ZNF385D: variants seen among roughly 807,000 people sequenced by gnomAD.
ZNF385D encodes zinc finger protein 385D, also known as zinc finger protein 659.
In ZNF385D, 15 loss-of-function variants were observed where a neutral mutation model predicts 35.8. That is an observed-to-expected ratio of 0.42 (90% CI 0.28 to 0.64). ZNF385D has a LOEUF of 0.64. Ranked by LOEUF, ZNF385D falls within the 30% of genes least tolerant of loss-of-function variation. The pLI, the probability that ZNF385D is intolerant of heterozygous loss-of-function variation, is 0.23. For synonymous variants in ZNF385D, 212 were observed against 186.8 expected (o/e 1.13, Z -1.10); for missense variants, 474 against 494.6 (o/e 0.96, Z 0.39).
intron 3 of ZNF385D, among the ~76,000 whole-genome samples, chr3:22,092,442 A>C (rs1213338836): frequency 6.6e-6 from 1 of 152,152 alleles, no homozygotes; most frequent in Non-Finnish European, 1.5e-5. Flanking sequence ...AGTTGCCTTC[A>C]TGACAGAGTG....
chr3:22,213,938 A>G (rs1269482863), intron 2 of ZNF385D, among the ~76,000 whole-genome samples: 1 of 152,100 alleles, frequency 6.6e-6, no homozygotes, highest in Non-Finnish European at 1.5e-5. Context: ...AATTTAGTTT[A>G]TTGAGTCAGA....
In ZNF385D at chr3:22,124,154, A is replaced by G. The variant is rs1334145757; in HGVS notation, c.325+44663T>C. On this transcript the variant is annotated intron_variant, in intron 3 of 5. Transcript: ENST00000494108. ...TATCTCCCCGAGTTCAACTGTATTAATTTTTAGCTCCCACAAGTGAGAATA... is the reference window on the plus strand; with the variant it reads ...TATCTCCCCGAGTTCAACTGTATTAGTTTTTAGCTCCCACAAGTGAGAATA... Among the ~76,000 whole-genome samples the G allele has an allele frequency of 2.6e-5, 4 of 151,658 alleles. No individual in the cohort carries two copies. In the East Asian group the frequency reaches 7.7e-4, roughly 29 times the overall value.
At chr3:21,495,867 T>G (rs1705799702) in intron 4 of ZNF385D, among the ~76,000 whole-genome samples, 1 of 152,010 alleles carries the variant, frequency 6.6e-6, no homozygotes. Flanking sequence ...AAACGAGATA[T>G]GACTACTGAC....
chr3:21,652,744 G>C (rs1012076357), intron 2 of ZNF385D, among the ~76,000 whole-genome samples: 3 of 151,604 alleles, frequency 2.0e-5, no homozygotes, highest in African/African-American at 4.8e-5. Flanking sequence ...TAGTCCTTGC[G>C]ATAGTCTGCT....
At chr3:21,555,215 GTT>G (rs35875777) in intron 3 of ZNF385D, among the ~76,000 whole-genome samples, 177 of 141,192 alleles carry the variant, frequency 1.3e-3, no homozygotes, top group African/African-American at 3.8e-3. Flanking sequence ...GGCAATTGTA[GTT>G]TTTTTTTTTT....
At chr3:21,466,683 T>A (rs1011348119) in intron 4 of ZNF385D, among the ~76,000 whole-genome samples, 1 of 152,188 alleles carries the variant, frequency 6.6e-6, no homozygotes, top group Non-Finnish European at 1.5e-5. Flanking sequence ...ATGGCATTCA[T>A]AAGTCACACA....
rs116207642 is a variant in ZNF385D, at chr3:22,363,046, C to T, written c.106+9404G>A. Among the ~76,000 whole-genome samples the T allele has an allele frequency of 4.3e-3, 647 of 152,208 alleles. 10 individuals are homozygous for T. Among genetic ancestry groups the T allele is most frequent in the African/African-American group, 0.015 (617 of 41,546 alleles). ...ATCCAGGGAAGTCCAACTTAGTTCG[C>T]TGTGCCCTACTTATTACTTCTTAAT... On this transcript the variant is annotated intron_variant, in intron 2 of 5. Coordinates refer to the ZNF385D transcript ENST00000494108.
At chr3:22,221,555 T>A (rs1009042175) in intron 2 of ZNF385D, among the ~76,000 whole-genome samples, 1 of 152,216 alleles carries the variant, frequency 6.6e-6, no homozygotes, top group African/African-American at 2.4e-5. Context: ...AAAGATGCCT[T>A]AATTTCATTT....
At chr3:21,771,122 G>C (rs1365854620) in intron 3 of ZNF385D, among the ~76,000 whole-genome samples, 3 of 151,604 alleles carry the variant, frequency 2.0e-5, no homozygotes, top group Non-Finnish European at 4.4e-5. Context: ...GATAGCATTA[G>C]GAGATATACC....
intron 2 of ZNF385D, among the ~76,000 whole-genome samples, chr3:22,295,684 C>A (rs182171678): frequency 6.6e-6 from 1 of 152,110 alleles, no homozygotes; most frequent in East Asian, 1.9e-4. Flanking sequence ...AGAAAATCCG[C>A]CCCCTTTTGA....
intron 2 of ZNF385D, among the ~76,000 whole-genome samples, chr3:22,172,402 T>A (rs868522236): frequency 2.6e-5 from 4 of 152,108 alleles, no homozygotes; most frequent in African/African-American, 7.3e-5. Context: ...AAAAAATGTA[T>A]GTGAGTTAAT....
chr3:22,161,665 T>C (rs570361521), intron 3 of ZNF385D, among the ~76,000 whole-genome samples: 1 of 152,164 alleles, frequency 6.6e-6, no homozygotes, highest in African/African-American at 2.4e-5. Flanking sequence ...TCTGGCATGA[T>C]AGAGAATATA....
At chr3:22,234,645 G>A (rs868826801) in intron 2 of ZNF385D, among the ~76,000 whole-genome samples, 1 of 151,858 alleles carries the variant, frequency 6.6e-6, no homozygotes, top group African/African-American at 2.4e-5. Flanking sequence ...TTACTTAAGG[G>A]ATATATTCCC....
At chr3:21,603,927 G>A (rs776720294) in intron 2 of ZNF385D, among the ~76,000 whole-genome samples, 1 of 152,150 alleles carries the variant, frequency 6.6e-6, no homozygotes, top group African/African-American at 2.4e-5. Context: ...AATAGGAGTA[G>A]AAGTAGCTTA....
At chr3:22,210,947 G>A (rs1256907180) in intron 2 of ZNF385D, among the ~76,000 whole-genome samples, 1 of 151,880 alleles carries the variant, frequency 6.6e-6, no homozygotes, top group Non-Finnish European at 1.5e-5. Flanking sequence ...TCACATGAGT[G>A]GTACTAAAAA....
At chr3:21,545,147 A>G (rs574194990) in intron 3 of ZNF385D, among the ~76,000 whole-genome samples, 35 of 152,348 alleles carry the variant, frequency 2.3e-4, no homozygotes, top group African/African-American at 7.9e-4. Flanking sequence ...TTGTGTTTCT[A>G]ACTGTAACTA....
chr3:21,810,415 C>T (rs1372715482), intron 3 of ZNF385D, among the ~76,000 whole-genome samples: 3 of 151,846 alleles, frequency 2.0e-5, no homozygotes, highest in African/African-American at 7.3e-5. Context: ...GGAGATAAAC[C>T]TAATGTAAAT....
chr3:21,912,629 A>G (rs920760892), intron 3 of ZNF385D, among the ~76,000 whole-genome samples: 3 of 152,066 alleles, frequency 2.0e-5, no homozygotes, highest in African/African-American at 7.2e-5. Context: ...AGGAAATACA[A>G]TGCCACGTTA....
At chr3:22,287,819 T>A (rs1489616539) in intron 2 of ZNF385D, among the ~76,000 whole-genome samples, 1 of 152,122 alleles carries the variant, frequency 6.6e-6, no homozygotes, top group East Asian at 1.9e-4. Context: ...ATGTTTTAAA[T>A]CTAAAAATTT....
Sources: gnomAD v4.1 joint callset for allele counts (sites outside exome capture counted in the v4.1 genomes callset) on GRCh38, gnomAD v4.1.1 for gene constraint, MANE v1.5 for transcripts, NCBI Gene and HGNC (gene_info 2026-07-23, HGNC 2026-07-21) for gene names.